The following ZNF407 variants were observed in gnomAD, a reference collection of about 807,000 sequenced individuals.
ZNF407 encodes the protein zinc finger protein 407.
In ZNF407, 17 loss-of-function variants were observed where a neutral mutation model predicts 131.2. That is an observed-to-expected ratio of 0.13 (90% CI 0.09 to 0.19). The LOEUF (loss-of-function observed/expected upper bound fraction) is 0.19, where lower values mean the gene tolerates loss of function less well. Ranked by LOEUF, ZNF407 falls within the 10% of genes least tolerant of loss-of-function variation. The pLI is 1.00. For synonymous variants in ZNF407, 1,156 were observed against 1,062.0 expected (o/e 1.09, Z -1.72); for missense variants, 2,681 against 2,830.6 (o/e 0.95, Z 1.20).
intron 4 of ZNF407, among the ~76,000 whole-genome samples, chr18:74,797,937 C>A (rs971998448): frequency 6.6e-6 from 1 of 151,612 alleles, no homozygotes; most frequent in Non-Finnish European, 1.5e-5. Context: ...TCCATTTTAG[C>A]GCATCCGTAA....
At chr18:74,970,361 A>G (rs1013729307) in intron 8 of ZNF407, among the ~76,000 whole-genome samples, 3 of 152,222 alleles carry the variant, frequency 2.0e-5, no homozygotes, top group African/African-American at 4.8e-5. Context: ...CCAAAAGGCC[A>G]CAGTCCAAAG....
intron 1 of ZNF407, among the ~76,000 whole-genome samples, chr18:74,599,536 C>T (rs1599116605): frequency 6.6e-6 from 1 of 152,024 alleles, no homozygotes; most frequent in Non-Finnish European, 1.5e-5. Flanking sequence ...TATATAATAC[C>T]TTTTTCTGCT....
At chr18:74,676,047 G>A (rs1986343594) in intron 3 of ZNF407, among the ~76,000 whole-genome samples, 1 of 151,958 alleles carries the variant, frequency 6.6e-6, no homozygotes, top group Non-Finnish European at 1.5e-5. Context: ...TACTACTTCT[G>A]AATCACTTTT....
chr18:74,812,582 C>CGT (rs145435375), intron 4 of ZNF407, among the ~76,000 whole-genome samples: 5 of 151,436 alleles, frequency 3.3e-5, no homozygotes, highest in South Asian at 4.2e-4. Flanking sequence ...GTTGTGTGAG[C>CGT]GTGTGTGTGT....
intron 3 of ZNF407, among the ~76,000 whole-genome samples, chr18:74,662,295 C>A (rs1037074379): frequency 7.2e-5 from 11 of 151,944 alleles, no homozygotes; most frequent in Non-Finnish European, 1.5e-4. Flanking sequence ...GTGATATGAT[C>A]CATAAGACTA....
chr18:75,009,840 A>G (rs1394087503), intron 8 of ZNF407, among the ~76,000 whole-genome samples: 1 of 152,188 alleles, frequency 6.6e-6, no homozygotes, highest in Non-Finnish European at 1.5e-5. Context: ...CACTGCCAAG[A>G]AAATAGACAC....
chr18:74,863,664 A>C (rs1415790069), intron 4 of ZNF407, among the ~76,000 whole-genome samples: 1 of 152,184 alleles, frequency 6.6e-6, no homozygotes, highest in Non-Finnish European at 1.5e-5. Context: ...GACTGCAGCG[A>C]ATTAAAGGAC....
rs1279352224 is a variant in ZNF407, at chr18:74,763,554, T to C, written c.4803-17874T>C. ...ATATTTTATTTTAGAAGTTTAATGG[T>C]TTTAGGTATTATATTTACGGTCTGT... is the stretch of plus-strand genomic sequence containing the variant. On this transcript the variant is annotated intron_variant, in intron 3 of 8. Transcript: ENST00000299687. Among the ~76,000 whole-genome samples, 7 of 151,904 alleles carry C rather than the reference T, an allele frequency of 4.6e-5. No individual in the cohort carries two copies. The East Asian group carries it at 9.7e-4, about 21-fold the overall frequency.
At chr18:74,601,125 CG>C (rs1433894043) in intron 1 of ZNF407, among the ~76,000 whole-genome samples, 1 of 152,066 alleles carries the variant, frequency 6.6e-6, no homozygotes, top group African/African-American at 2.4e-5. Context: ...GTGTCTGCTT[CG>C]GGTGACTGGG....
At chr18:75,037,762 C>G (rs1973326516) in intron 8 of ZNF407, among the ~76,000 whole-genome samples, 1 of 152,194 alleles carries the variant, frequency 6.6e-6, no homozygotes, top group Admixed American at 6.5e-5. Context: ...TGCCTTGACA[C>G]AGTTCCATTT....
intron 3 of ZNF407, among the ~76,000 whole-genome samples, chr18:74,772,365 A>T (rs183821045): frequency 1.3e-5 from 2 of 152,284 alleles, no homozygotes; most frequent in South Asian, 2.1e-4. Flanking sequence ...CCCATGTCAG[A>T]GTGAATTTGG....
In ZNF407 at chr18:74,883,695, G is replaced by A. The variant is rs140121497; in HGVS notation, c.5128+2576G>A. Among the ~76,000 whole-genome samples, 71 of 152,282 alleles carry A rather than the reference G, an allele frequency of 4.7e-4. 1 individual carries two copies. In the East Asian group the frequency reaches 0.012, roughly 25 times the overall value. On this transcript the variant is annotated intron_variant, in intron 6 of 8. Coordinates refer to ENST00000299687, the MANE Select transcript of ZNF407 (RefSeq NM_017757.3). Reference sequence around the variant, plus strand: ...ATGTGGGTGTGTGTTTCCATGAGACGCGGTCAGCCCGTCTGACGGACAGTT... The same window carrying A: ...ATGTGGGTGTGTGTTTCCATGAGACACGGTCAGCCCGTCTGACGGACAGTT...
chr18:74,755,675 G>A (rs1968922290), intron 3 of ZNF407, among the ~76,000 whole-genome samples: 1 of 143,434 alleles, frequency 7.0e-6, no homozygotes, highest in Non-Finnish European at 1.5e-5. Flanking sequence ...GGCAACCTCT[G>A]CCTCCTGAGT....
chr18:74,599,414 T>C (rs1183055987), intron 1 of ZNF407, among the ~76,000 whole-genome samples: 2 of 152,212 alleles, frequency 1.3e-5, no homozygotes, highest in African/African-American at 2.4e-5. Context: ...GTGGCTCCAC[T>C]TCAAAAACAC....
chr18:74,999,362 A>AC (rs1972817259), intron 8 of ZNF407, among the ~76,000 whole-genome samples: 2 of 149,940 alleles, frequency 1.3e-5, no homozygotes, highest in Admixed American at 1.3e-4. Context: ...AAAAAAAAAA[A>AC]AAAAAAAAAA....
intron 8 of ZNF407, among the ~76,000 whole-genome samples, chr18:74,984,308 A>G (rs867830059): frequency 9.2e-5 from 13 of 140,592 alleles, no homozygotes; most frequent in Middle Eastern, 3.5e-3. Flanking sequence ...TTACCAGAGG[A>G]AAAAAAAAGT....
intron 3 of ZNF407, among the ~76,000 whole-genome samples, chr18:74,720,918 T>G (rs1968017302): frequency 8.1e-6 from 1 of 123,354 alleles, no homozygotes; most frequent in Admixed American, 9.7e-5. Context: ...GGTAGTGCGA[T>G]ACCTTCAGCT....
intron 3 of ZNF407, among the ~76,000 whole-genome samples, chr18:74,719,866 T>C (rs1687830578): frequency 6.6e-6 from 1 of 152,226 alleles, no homozygotes; most frequent in South Asian, 2.1e-4. Context: ...TAATACTCCA[T>C]TGCGTATATT....
intron 8 of ZNF407, among the ~76,000 whole-genome samples, chr18:74,970,692 C>A (rs1972462577): frequency 6.6e-6 from 1 of 152,206 alleles, no homozygotes; most frequent in Admixed American, 6.5e-5. Context: ...TGGCTGCTTT[C>A]CTGGGCTGGT....
Sources: allele counts gnomAD v4.1 joint callset (sites outside exome capture counted in the v4.1 genomes callset), GRCh38; gene constraint gnomAD v4.1.1; transcripts MANE v1.5; gene names NCBI Gene and HGNC (gene_info 2026-07-23, HGNC 2026-07-21).